The following PCDH15 variants were observed in gnomAD, a reference collection of about 807,000 sequenced individuals.
PCDH15 encodes the protein protocadherin-15.
Under a neutral mutation model 178.5 loss-of-function variants are expected in PCDH15, and 129 were observed. The ratio of observed to expected loss-of-function variants is 0.72; its 90% CI spans 0.63 to 0.84. PCDH15 has a LOEUF of 0.84. Ranked by LOEUF, PCDH15 falls within the 40% of genes least tolerant of loss-of-function variation. PCDH15 has a pLI of 0.00. For missense variants in PCDH15, 2,230 were observed against 2,099.9 expected (o/e 1.06, Z -1.21); for synonymous variants, 800 against 732.0 (o/e 1.09, Z -1.50).
intron 6 of PCDH15, 146 bp from the exon 7 acceptor site, chr10:54,329,852 T>G (rs12778000): frequency 1.5e-6 from 1 of 679,618 alleles, no homozygotes; most frequent in Admixed American, 2.2e-5. Flanking sequence ...GAGTCAATAT[T>G]GTTATCATAC....
At chr10:54,996,846 C>T (rs1186389274) in intron 2 of PCDH15, among the ~76,000 whole-genome samples, 2 of 152,018 alleles carry the variant, frequency 1.3e-5, no homozygotes, top group Non-Finnish European at 2.9e-5. Flanking sequence ...CGCGGTGGCT[C>T]ACACCTGTAA....
chr10:54,740,013 A>G (rs983483787), intron 1 of PCDH15, among the ~76,000 whole-genome samples: 5 of 152,074 alleles, frequency 3.3e-5, no homozygotes, highest in Non-Finnish European at 2.9e-5. Flanking sequence ...ACAGGAAAGA[A>G]AAGCAGAAAT....
intron 8 of PCDH15, among the ~76,000 whole-genome samples, chr10:54,267,995 A>T (rs1332094350): frequency 6.6e-6 from 1 of 151,970 alleles, no homozygotes; most frequent in East Asian, 1.9e-4. Flanking sequence ...AAAAGAACAC[A>T]GACAGGGGCA....
At chr10:54,985,963 T>C (rs1240742247) in intron 2 of PCDH15, among the ~76,000 whole-genome samples, 3 of 152,204 alleles carry the variant, frequency 2.0e-5, no homozygotes, top group African/African-American at 7.2e-5. Flanking sequence ...TGATTTAAAA[T>C]AACATAAGGC....
intron 2 of PCDH15, among the ~76,000 whole-genome samples, chr10:55,579,969 G>C (rs1842575559): frequency 3.9e-5 from 6 of 152,004 alleles, no homozygotes; most frequent in Admixed American, 3.3e-4. Flanking sequence ...CAATTCTCAT[G>C]CCTAAACCTC....
intron 2 of PCDH15, chr10:54,599,728 GA>G (rs1465696085): frequency 1.5e-5 from 7 of 468,198 alleles, no homozygotes; most frequent in South Asian, 5.6e-5. Context: ...GAAAGAAGGG[GA>G]AAAGGAAGAA....
At chr10:54,794,816 C>G (rs756831591) in intron 1 of PCDH15, among the ~76,000 whole-genome samples, 6 of 151,798 alleles carry the variant, frequency 4.0e-5, no homozygotes, top group Non-Finnish European at 8.8e-5. Context: ...AACATTCAAA[C>G]CAAACTCTTG....
At chr10:55,268,185 G>A (rs985280345) in intron 1 of PCDH15, among the ~76,000 whole-genome samples, 4 of 152,014 alleles carry the variant, frequency 2.6e-5, no homozygotes, top group Admixed American at 6.6e-5. Flanking sequence ...ACAGTTACCC[G>A]TTGAGTTATG....
chr10:55,133,684 C>G (rs112490009), intron 2 of PCDH15, among the ~76,000 whole-genome samples: 66 of 152,084 alleles, frequency 4.3e-4, no homozygotes, highest in Non-Finnish European at 1.5e-4. Flanking sequence ...GATCTTCTTT[C>G]CCCAAATATG....
At chr10:55,113,326 A>T (rs1473679787) in intron 2 of PCDH15, among the ~76,000 whole-genome samples, 1 of 151,918 alleles carries the variant, frequency 6.6e-6, no homozygotes, top group African/African-American at 2.4e-5. Context: ...AAGACACTAT[A>T]CTTAGTTATC....
At chr10:53,882,001 T>G (rs1180299638) in intron 26 of PCDH15, among the ~76,000 whole-genome samples, 1 of 152,070 alleles carries the variant, frequency 6.6e-6, no homozygotes, top group Non-Finnish European at 1.5e-5. Context: ...TTTTTTTTTT[T>G]TTTTTTAACA....
At chr10:54,206,451 C>G (rs1382180081) in intron 10 of PCDH15, among the ~76,000 whole-genome samples, 1 of 151,950 alleles carries the variant, frequency 6.6e-6, no homozygotes, top group Admixed American at 6.6e-5. Context: ...AATCTTCCAA[C>G]TTATGTTTTA....
rs143468623 is a variant in PCDH15, at chr10:55,205,874, G to A, written c.-155-39223C>T. On this transcript the variant is annotated intron_variant, in intron 1 of 5. Transcript: ENST00000458638. ...TGGCTGGGGAGGCCTCACAGTCATC[G>A]CAGAAGGCAAGGAGGAGCAAGTCAT... Among the ~76,000 whole-genome samples the A allele has an allele frequency of 5.7e-3, 867 of 152,200 alleles. 15 individuals carry two copies. Among genetic ancestry groups the A allele is most frequent in the South Asian group, 0.019 (93 of 4,822 alleles).
intron 2 of PCDH15, among the ~76,000 whole-genome samples, chr10:54,537,886 C>A (rs2132889533): frequency 6.6e-6 from 1 of 152,078 alleles, no homozygotes; most frequent in Non-Finnish European, 1.5e-5. Context: ...AGCATTTTTT[C>A]ATGTTTGTTG....
At chr10:55,597,028 A>G (rs1564472875) in intron 2 of PCDH15, 1 of 152,330 alleles carries the variant, frequency 6.6e-6, no homozygotes, top group East Asian at 1.9e-4. Flanking sequence ...ATCTCAATGT[A>G]CTAGTGACTA....
At chr10:54,993,655 T>G (rs1839566689) in intron 2 of PCDH15, among the ~76,000 whole-genome samples, 1 of 152,048 alleles carries the variant, frequency 6.6e-6, no homozygotes, top group Non-Finnish European at 1.5e-5. Flanking sequence ...CACAACACAT[T>G]TCATGAGTTT....
Position 53,836,604 on chromosome 10 carries a change from C to G in PCDH15, c.3983+3716G>C, listed in dbSNP as rs145478898. The stretch of plus-strand genomic sequence containing the variant: ...GGCACAGTGGAAGTAATAATTGCAA[C>G]AGCAAAATCCAAATAATTCCTGAAT... On this transcript the variant is annotated intron_variant, in intron 29 of 37. Coordinates refer to ENST00000644397, the MANE Select transcript of PCDH15 (RefSeq NM_001384140.1). 2.2e-3 allele frequency among the ~76,000 whole-genome samples: 338 copies of G among 152,320 alleles called. 1 individual carries two copies. The highest frequency in any genetic ancestry group is 7.6e-3 in the African/African-American group (315 of 41,580).
intron 15 of PCDH15, among the ~76,000 whole-genome samples, chr10:54,126,800 GT>G (rs993885524): frequency 6.6e-6 from 1 of 151,842 alleles, no homozygotes; most frequent in Non-Finnish European, 1.5e-5. Context: ...AAAATTGTAG[GT>G]TTTGTGGTTC....
chr10:54,458,392 T>C (rs1418069919), intron 3 of PCDH15, among the ~76,000 whole-genome samples: 3 of 152,184 alleles, frequency 2.0e-5, no homozygotes, highest in Admixed American at 2.0e-4. Flanking sequence ...GCTTAATATA[T>C]AAAGCCTTTC....
Sources: gnomAD v4.1 joint callset for allele counts (sites outside exome capture counted in the v4.1 genomes callset) on GRCh38, gnomAD v4.1.1 for gene constraint, MANE v1.5 for transcripts, NCBI Gene and HGNC (gene_info 2026-07-23, HGNC 2026-07-21) for gene names.